The following FLOT2 variants were observed in gnomAD, a reference collection of about 807,000 sequenced individuals.
FLOT2 encodes flotillin-2.
Under a neutral mutation model 54.9 loss-of-function variants are expected in FLOT2, and 35 were observed. The observed-to-expected ratio is 0.64, with a 90% CI of 0.49 to 0.84. The LOEUF is 0.84. FLOT2 is among the 40% of genes least tolerant of loss of function. The pLI is 0.00. For missense variants in FLOT2, 464 were observed against 572.1 expected (o/e 0.81, Z 1.93); for synonymous variants, 207 against 228.9 (o/e 0.90, Z 0.86).
chr17:28,891,135 C>T (rs2039644423), intron 1 of FLOT2, among the ~76,000 whole-genome samples: 1 of 152,162 alleles, frequency 6.6e-6, no homozygotes, highest in Non-Finnish European at 1.5e-5. Flanking sequence ...CATGCGTTGG[C>T]CTCTCAAAGT....
At chr17:28,881,475 C>T in intron 8 of FLOT2, 100 bp from the exon 9 acceptor site, 1 of 1,260,310 alleles carries the variant, frequency 7.9e-7, no homozygotes, top group Non-Finnish European at 1.1e-6. Flanking sequence ...GCTCTGGGGG[C>T]TGTCGGGGTG....
At chr17:28,885,783 C>T in intron 2 of FLOT2, 16 of 981,688 alleles carry the variant, frequency 1.6e-5, no homozygotes, top group Non-Finnish European at 2.6e-5. Flanking sequence ...AGTCCATCGG[C>T]TCCTGTCTGC....
chr17:28,881,696 G>T, intron 8 of FLOT2, 118 bp downstream of exon 8: 1 of 906,320 alleles, frequency 1.1e-6, no homozygotes, highest in Non-Finnish European at 1.7e-6. Context: ...CAGTGAGTAA[G>T]AAGACACAGT....
rs1030223313 is a variant in FLOT2 at position 28,883,436 on chromosome 17, T to C, written c.223-205A>G. 1.3e-5 allele frequency among the ~76,000 whole-genome samples: 2 copies of C among 152,156 alleles called. No homozygotes were observed. The highest frequency in any genetic ancestry group is 2.9e-5 in the Non-Finnish European group (2 of 68,016). On this transcript the variant is annotated intron_variant, in intron 3 of 10. Coordinates refer to ENST00000394908, the MANE Select transcript of FLOT2 (RefSeq NM_004475.3). The surrounding 1 kb of genome is among the most constrained non-coding windows in gnomAD (Gnocchi z 5.0). ...TCTCACTATGAAACTTCTCCTGCACTGACAGCCCCAGGCCCTGCCACGGCC... is the reference window on the plus strand; with the variant it reads ...TCTCACTATGAAACTTCTCCTGCACCGACAGCCCCAGGCCCTGCCACGGCC...
chr17:28,894,825 TA>T (rs1388264792), intron 1 of FLOT2, among the ~76,000 whole-genome samples: 13 of 151,054 alleles, frequency 8.6e-5, no homozygotes, highest in Non-Finnish European at 1.6e-4. Context: ...CATATCCTAC[TA>T]GGGGGTTTAG....
intron 1 of FLOT2, among the ~76,000 whole-genome samples, chr17:28,889,927 C>T (rs781672272): frequency 5.3e-5 from 8 of 152,176 alleles, no homozygotes; most frequent in African/African-American, 7.2e-5. Context: ...CATGAGCCAC[C>T]ACGCCTGGTC....
At chr17:28,886,039 G>C in intron 2 of FLOT2, 2 of 596,532 alleles carry the variant, frequency 3.4e-6, no homozygotes, top group East Asian at 3.2e-5. Context: ...GACAAGCACC[G>C]ATGCCTGACG....
chr17:28,887,423 A>G (rs1352566752), intron 2 of FLOT2, among the ~76,000 whole-genome samples: 1 of 152,166 alleles, frequency 6.6e-6, no homozygotes, highest in Non-Finnish European at 1.5e-5. Context: ...GGCTCAGACT[A>G]CCCAGCAAGT....
chr17:28,889,052 A>T (rs893477470), intron 1 of FLOT2, 26 bp from the exon 2 acceptor site: 1 of 1,604,954 alleles, frequency 6.2e-7, no homozygotes, highest in African/African-American at 1.3e-5. Context: ...AACCACCGCA[A>T]GTCAGTCGGT....
chr17:28,891,180 C>T (rs748660730), intron 1 of FLOT2, among the ~76,000 whole-genome samples: 1 of 152,178 alleles, frequency 6.6e-6, no homozygotes, highest in Non-Finnish European at 1.5e-5. Context: ...CGCGCCTGGC[C>T]GAGCATTATC....
At chr17:28,881,441 G>T (rs1481977223) in intron 8 of FLOT2, 66 bp from the exon 9 acceptor site, 2 of 1,525,106 alleles carry the variant, frequency 1.3e-6, no homozygotes, top group East Asian at 4.5e-5. Context: ...CTTGCCTGGG[G>T]GCCAGCAAAC....
Position 28,886,108 on chromosome 17 carries a change from C to T in FLOT2, c.132-1793G>A, listed in dbSNP as rs894543577. 27 of 656,810 alleles carry T rather than the reference C, an allele frequency of 4.1e-5. 1 individual carries two copies. The highest frequency in any genetic ancestry group is 3.5e-4 in the African/African-American group (20 of 56,436). The allele number at this position is 656,810 out of a possible 1,614,324, so 40.7% of individuals were successfully genotyped here. A position where few individuals can be genotyped will look rare whatever the true frequency, so the allele number is the denominator to read the frequency against. ...CCAACCCCCCAACTGCCAGCTCAGC[C>T]GAGGGCTGCAGGACAGCAGCGACCT... On this transcript the variant is annotated intron_variant, in intron 2 of 10. Transcript: ENST00000394908.
Position 28,895,014 on chromosome 17 carries a change from C to T in FLOT2, c.49+2512G>A, listed in dbSNP as rs756500537. On this transcript the variant is annotated intron_variant, in intron 1 of 10. Transcript: ENST00000394908. ...GCATCCTCTGCCTCCTGGGCTCAAG[C>T]GATCCTCCCACCTCAGCCTCCGGAG... Among the ~76,000 whole-genome samples, 17 of 147,414 alleles carry T rather than the reference C, an allele frequency of 1.2e-4. 1 individual carries two copies. Among genetic ancestry groups the T allele is most frequent in the Non-Finnish European group, 5.9e-5 (4 of 67,236 alleles).
At chr17:28,885,996 A>AG (rs2039536428) in intron 2 of FLOT2, 1 of 1,101,050 alleles carries the variant, frequency 9.1e-7, no homozygotes, top group East Asian at 2.7e-5. Context: ...GAAGGGAAGG[A>AG]GGGGACACAG....
At chr17:28,887,132 G>T (rs184477861) in intron 2 of FLOT2, among the ~76,000 whole-genome samples, 5 of 152,046 alleles carry the variant, frequency 3.3e-5, no homozygotes. Flanking sequence ...CAGGGCCTCG[G>T]GATAGTATAG....
Position 28,880,489 on chromosome 17 carries a change from GT to G in FLOT2, c.*71del, listed in dbSNP as rs2039427087. 3 of 1,581,192 alleles carry G rather than the reference GT, an allele frequency of 1.9e-6. No homozygotes were observed. Among genetic ancestry groups the G allele is most frequent in the Non-Finnish European group, 2.6e-6 (3 of 1,163,074 alleles). ...CACCAGAGTCAGTAACGTTCCCGTT[GT>G]TCTGTGGGATTAAAACGGGTGCTGG... On this transcript the variant is annotated 3_prime_UTR_variant, in exon 11 of 11. Coordinates refer to ENST00000394908, the MANE Select transcript of FLOT2 (RefSeq NM_004475.3).
chr17:28,882,615 A>G lies in FLOT2; in HGVS notation c.423T>C (p.Asp141=), dbSNP rs770504474. The G allele has an allele frequency of 1.1e-5, 17 of 1,613,668 alleles. No homozygotes were observed. Among genetic ancestry groups the G allele is most frequent in the South Asian group, 2.2e-5 (2 of 91,084 alleles). Residue 141 remains aspartate (D), a synonymous_variant, in exon 5 of 11, where the codon GAT becomes GAC. Transcript: ENST00000394908. The surrounding 1 kb of genome is among the most constrained non-coding windows in gnomAD (Gnocchi z 5.6). The part of the protein sequence containing the change: ...AKLVREVAAP[D]VGRMGIEILS... ...GGATCTCAATGCCCATGCGGCCAAC[A>G]TCAGGGGCTGCCACCTCCCGCACCA... is the stretch of plus-strand genomic sequence containing the variant.
At position 28,883,091 on chromosome 17, in the gene FLOT2, G is replaced by T. The variant is rs1253220488; in HGVS notation, c.346+17C>A. On this transcript the variant is annotated intron_variant, in intron 4 of 10. Transcript: ENST00000394908. This position sits in a 1 kb window ranked among gnomAD's most constrained non-coding sequence, Gnocchi z 5.0. ...AGGGGCCCCGTGAGGCTCCTCAAAG[G>T]CTGAACAGGGCCTCACCGAGGATGG... 1 of 1,613,488 alleles carries T rather than the reference G, an allele frequency of 6.2e-7. No homozygotes were observed. The highest frequency in any genetic ancestry group is 8.5e-7 in the Non-Finnish European group (1 of 1,179,666).
In FLOT2 at chr17:28,882,010, C is replaced by A; in HGVS notation, c.718G>T (p.Ala240Ser). ...TCACGGGCCCCCTGCAGCTCATAGG[C>A]CAACTGGGCCTCAGCTGTCTGTGGC... ...VNIKTAEAQLAYELQGAREQQ... is the reference protein window; with the variant it reads ...VNIKTAEAQLSYELQGAREQQ... The change falls in exon 8 of 11, where the codon GCC becomes TCC. Residue 240 changes from alanine (A) to serine (S), a missense_variant. Ala to Ser is a moderately conservative substitution (Grantham distance 99). Transcript: ENST00000394908. This position sits in a 1 kb window ranked among gnomAD's most constrained non-coding sequence, Gnocchi z 5.6. 6.2e-7 allele frequency: 1 copy of A among 1,614,150 alleles called. No homozygotes were observed.
Sources: allele counts gnomAD v4.1 joint callset (sites outside exome capture counted in the v4.1 genomes callset), GRCh38; gene constraint gnomAD v4.1.1; non-coding constraint Gnocchi (gnomAD v3.1); transcripts MANE v1.5; gene names NCBI Gene and HGNC (gene_info 2026-07-23, HGNC 2026-07-21).